The following PCDHGA1 variants were observed in gnomAD, a reference collection of about 807,000 sequenced individuals.
The protein encoded by PCDHGA1 is protocadherin gamma-A1.
Under a neutral mutation model 58.0 loss-of-function variants are expected in PCDHGA1, and 32 were observed. The observed-to-expected ratio is 0.55, with a 90% CI of 0.42 to 0.74. The LOEUF (loss-of-function observed/expected upper bound fraction) is 0.74, where lower values mean the gene tolerates loss of function less well. PCDHGA1 is among the 30% of genes least tolerant of loss of function. The pLI is 0.00. For synonymous variants in PCDHGA1, 498 were observed against 501.1 expected, an observed-to-expected ratio of 0.99 and a Z score of 0.08; for missense variants, 1,205 against 1,182.3, an observed-to-expected ratio of 1.02 and a Z score of -0.28.
In PCDHGA1 at chr5:141,476,445, T is replaced by G. The variant is rs2099391853; in HGVS notation, c.2422-18362T>G. 1 of 1,613,956 alleles carries G rather than the reference T, an allele frequency of 6.2e-7. No individual in the cohort carries two copies. The highest frequency in any genetic ancestry group is 1.7e-5 in the Admixed American group (1 of 60,008). The stretch of plus-strand genomic sequence containing the variant: ...CCCTCTTGCACTGTAACTCTGGAGT[T>G]GGTAGTGGAGAACCCGCTGGAGCTG... On this transcript the variant is annotated intron_variant, in intron 1 of 3. Coordinates refer to ENST00000517417, the MANE Select transcript of PCDHGA1 (RefSeq NM_018912.3). This position sits in a 1 kb window ranked among gnomAD's most constrained non-coding sequence, Gnocchi z 7.6.
intron 1 of PCDHGA1, chr5:141,390,071 C>G (rs1322880756): frequency 1.2e-6 from 2 of 1,614,084 alleles, no homozygotes; most frequent in Non-Finnish European, 1.7e-6. Flanking sequence ...AGCCTGGTCT[C>G]TGTGTTAAAT....
Position 141,431,432 on chromosome 5 carries a change from AC to A in PCDHGA1, c.2422-63373del. 2 of 1,613,692 alleles carry A rather than the reference AC, an allele frequency of 1.2e-6. No individual in the cohort carries two copies. Among genetic ancestry groups the A allele is most frequent in the Non-Finnish European group, 1.7e-6 (2 of 1,180,026 alleles). On this transcript the variant is annotated intron_variant, in intron 1 of 3. Transcript: ENST00000517417. The surrounding 1 kb of genome is among the most constrained non-coding windows in gnomAD (Gnocchi z 4.8). ...CGGGGGCGACCCGGTGCGCACAGGC[AC>A]CGCGCGCATCCGCGTGATGGTTCTG... is the stretch of plus-strand genomic sequence containing the variant.
chr5:141,366,780 C>A, intron 1 of PCDHGA1: 1 of 1,584,768 alleles, frequency 6.3e-7, no homozygotes, highest in Non-Finnish European at 8.6e-7. Context: ...TAAGGATGAC[C>A]AGAACATTTT....
chr5:141,376,452 C>T (rs1186920662), intron 1 of PCDHGA1: 2 of 1,614,094 alleles, frequency 1.2e-6, no homozygotes, highest in Non-Finnish European at 1.7e-6. Flanking sequence ...AAAAGCGAGC[C>T]TCTTCTGATA....
intron 1 of PCDHGA1, chr5:141,387,922 G>A (rs764365334): frequency 2.0e-6 from 3 of 1,478,496 alleles, no homozygotes; most frequent in African/African-American, 2.8e-5. Context: ...CGGGCTGAGA[G>A]GCTGCCAGTG....
At chr5:141,356,001 T>C in intron 1 of PCDHGA1, 6 of 1,613,942 alleles carry the variant, frequency 3.7e-6, no homozygotes, top group Non-Finnish European at 5.1e-6. Context: ...TAAAAGCCAC[T>C]GATCCAGATG....
At chr5:141,420,094 G>A in intron 1 of PCDHGA1, 7 of 1,614,058 alleles carry the variant, frequency 4.3e-6, no homozygotes, top group Non-Finnish European at 5.9e-6. Flanking sequence ...ACTACAGTGA[G>A]GGAACGTTGC....
At chr5:141,433,397 A>G (rs189987785) in intron 1 of PCDHGA1, among the ~76,000 whole-genome samples, 270 of 150,524 alleles carry the variant, frequency 1.8e-3, no homozygotes, top group Non-Finnish European at 3.1e-3. Context: ...CTATCTATCT[A>G]TCTATCTATT....
intron 1 of PCDHGA1, chr5:141,366,706 G>T (rs202189432): frequency 1.0e-4 from 169 of 1,614,242 alleles, no homozygotes; most frequent in Middle Eastern, 1.6e-4. Context: ...AGCCTCTTCT[G>T]ATGTCTGATA....
At chr5:141,423,618 C>T (rs2096760725) in intron 1 of PCDHGA1, 2 of 1,608,284 alleles carry the variant, frequency 1.2e-6, no homozygotes, top group East Asian at 2.2e-5. Flanking sequence ...TAGCTGAAGA[C>T]TCAGCTATCA....
chr5:141,364,535 A>G (rs1404696563), intron 1 of PCDHGA1: 2 of 1,614,100 alleles, frequency 1.2e-6, no homozygotes, highest in Admixed American at 3.3e-5. Context: ...CATCGTCTCC[A>G]GAGGTAGGAC....
chr5:141,409,055 G>T (rs141881204), intron 1 of PCDHGA1: 10 of 1,614,038 alleles, frequency 6.2e-6, no homozygotes, highest in Non-Finnish European at 8.5e-6. Flanking sequence ...CCGAAGCACT[G>T]CCCAGAGCAC....
At chr5:141,348,091 G>T (rs1343762579) in intron 1 of PCDHGA1, among the ~76,000 whole-genome samples, 2 of 152,230 alleles carry the variant, frequency 1.3e-5, no homozygotes, top group East Asian at 1.9e-4. Context: ...GCCAGAAATT[G>T]TTGGCTTATT....
At chr5:141,352,821 C>A in intron 1 of PCDHGA1, 3 of 796,942 alleles carry the variant, frequency 3.8e-6, no homozygotes, top group Non-Finnish European at 5.8e-6. Flanking sequence ...AAAACCCGGT[C>A]TACTAAAATT....
chr5:141,403,796 T>C (rs1028690414), intron 1 of PCDHGA1: 3 of 1,613,866 alleles, frequency 1.9e-6, no homozygotes, highest in Non-Finnish European at 1.7e-6. Flanking sequence ...ATACAAATTC[T>C]GGAAAATTAA....
rs1384484693 is a variant in PCDHGA1 at position 141,332,555 on chromosome 5, G to A, written c.1871G>A (p.Gly624Asp). The A allele has an allele frequency of 3.7e-6, 6 of 1,611,396 alleles. No homozygotes were observed. The highest frequency in any genetic ancestry group is 1.9e-4 in the Middle Eastern group (1 of 5,304). ...CTCTTCTCGGTGGGTCTGCACACGG[G>A]CGAGGTGCGCACGGCGCGAGCCCTG... Reference protein sequence around the residue: ...PGLFSVGLHTGEVRTARALLD... With the variant: ...PGLFSVGLHTDEVRTARALLD... Residue 624 changes from glycine to aspartate, a missense_variant, in exon 1 of 4, where the codon GGC becomes GAC. Coordinates refer to ENST00000517417, the MANE Select transcript of PCDHGA1 (RefSeq NM_018912.3). The surrounding 1 kb of genome is among the most constrained non-coding windows in gnomAD (Gnocchi z 4.6).
At position 141,508,878 on chromosome 5, in the gene PCDHGA1, C is replaced by A. The variant is rs189735747; in HGVS notation, c.2570-2069C>A. The stretch of plus-strand genomic sequence containing the variant: ...GGCTGGGAAAGGCTGAAGAGGCTGA[C>A]GGCTGGAGGGGAGGGGGCGGGGCGG... On this transcript the variant is annotated intron_variant, in intron 3 of 3. Transcript: ENST00000517417. Among the ~76,000 whole-genome samples, 561 of 152,074 alleles carry A rather than the reference C, an allele frequency of 3.7e-3. 3 individuals carry two copies. The highest frequency in any genetic ancestry group is 0.012 in the African/African-American group (508 of 41,498).
Position 141,333,071 on chromosome 5 carries a change from CTT to C in PCDHGA1, c.2389_2390del (p.Leu797ThrfsTer2), listed in dbSNP as rs777070084. 45 of 1,614,096 alleles carry C rather than the reference CTT, an allele frequency of 2.8e-5. No individual in the cohort carries two copies. Among genetic ancestry groups the C allele is most frequent in the Non-Finnish European group, 3.4e-5 (40 of 1,180,054 alleles). ...AAGGGTTTTCTATCAGCACCCCAGT[CTT>C]TACTTGAAGACAAAAAGGAACCATT... On this transcript the variant is annotated frameshift_variant, in exon 1 of 4. Coordinates refer to ENST00000517417, the MANE Select transcript of PCDHGA1 (RefSeq NM_018912.3). LOFTEE classifies it high-confidence loss of function.
chr5:141,489,151 AAG>A lies in PCDHGA1; in HGVS notation c.2422-5652_2422-5651del. ...TTTTTAAGAGGCTGGAAGGAGACAT[AAG>A]AGACTTCAGCTGCTGCATTCCAAGC... On this transcript the variant is annotated intron_variant, in intron 1 of 3. Coordinates refer to ENST00000517417, the MANE Select transcript of PCDHGA1 (RefSeq NM_018912.3). The surrounding 1 kb of genome is among the most constrained non-coding windows in gnomAD (Gnocchi z 4.5). The A allele has an allele frequency of 1.1e-6, 1 of 932,970 alleles. No homozygotes were observed. The highest frequency in any genetic ancestry group is 1.6e-6 in the Non-Finnish European group (1 of 622,054). 57.8% of individuals were successfully genotyped at this position (932,970 alleles called of 1,614,324 possible).
Sources: gnomAD v4.1 joint callset for allele counts (sites outside exome capture counted in the v4.1 genomes callset) on GRCh38, gnomAD v4.1.1 for gene constraint, Gnocchi (gnomAD v3.1) non-coding constraint, MANE v1.5 for transcripts, NCBI Gene and HGNC (gene_info 2026-07-23, HGNC 2026-07-21) for gene names.